EXT1: variants seen among roughly 807,000 people sequenced by gnomAD.
EXT1 encodes the protein exostosin glycosyltransferase 1.
Under a neutral mutation model 82.5 loss-of-function variants are expected in EXT1, and 20 were observed. That is an observed-to-expected ratio of 0.24 (90% confidence interval 0.17 to 0.35). The LOEUF (loss-of-function observed/expected upper bound fraction) is 0.35. EXT1 is among the 10% of genes least tolerant of loss of function. The probability of loss-of-function intolerance (pLI) is 1.00; values close to 1 mark genes in which losing one functional copy is unlikely to be tolerated. For missense variants in EXT1, 757 were observed against 936.5 expected, an observed-to-expected ratio of 0.81 and a Z score of 2.50; for synonymous variants, 348 against 350.8, an observed-to-expected ratio of 0.99 and a Z score of 0.09.
intron 1 of EXT1, among the ~76,000 whole-genome samples, chr8:118,073,792 T>C (rs964903865): frequency 2.0e-5 from 3 of 152,208 alleles, no homozygotes; most frequent in African/African-American, 7.2e-5. Context: ...AATGACTGTG[T>C]ATCATATTAA....
intron 9 of EXT1, among the ~76,000 whole-genome samples, chr8:117,805,885 T>C (rs1823229308): frequency 6.6e-6 from 1 of 152,186 alleles, no homozygotes; most frequent in African/African-American, 2.4e-5. Context: ...CAAATTTGTA[T>C]CTCCACCCCT....
intron 1 of EXT1, among the ~76,000 whole-genome samples, chr8:118,001,602 GA>G (rs1290343241): frequency 1.3e-5 from 2 of 152,060 alleles, no homozygotes; most frequent in African/African-American, 4.8e-5. Flanking sequence ...AAAATAAGAA[GA>G]ATAAGATTAA....
At chr8:117,888,870 A>G (rs1315764273) in intron 1 of EXT1, among the ~76,000 whole-genome samples, 2 of 152,188 alleles carry the variant, frequency 1.3e-5, no homozygotes, top group East Asian at 1.9e-4. Flanking sequence ...AATGCTGCCT[A>G]TCTTCAAACC....
At chr8:117,814,907 C>T (rs1439619519) in intron 7 of EXT1, among the ~76,000 whole-genome samples, 1 of 152,172 alleles carries the variant, frequency 6.6e-6, no homozygotes, top group Admixed American at 6.5e-5. Context: ...GCTACCAGAG[C>T]ACCTAGGACT....
At chr8:117,861,876 T>C (rs1463298875) in intron 1 of EXT1, among the ~76,000 whole-genome samples, 2 of 87,566 alleles carry the variant, frequency 2.3e-5, no homozygotes, top group Admixed American at 1.1e-4. Flanking sequence ...TGAGACATCT[T>C]GCAGAGAGGT....
chr8:118,037,890 C>G (rs2100617), intron 1 of EXT1, among the ~76,000 whole-genome samples: 57,428 of 142,168 alleles, frequency 0.4, 11,725 homozygotes, highest in Middle Eastern at 0.56. Flanking sequence ...GCCCAGACTG[C>G]AGTGCAATGG....
At chr8:117,879,319 T>C (rs993027475) in intron 1 of EXT1, among the ~76,000 whole-genome samples, 1 of 152,094 alleles carries the variant, frequency 6.6e-6, no homozygotes, top group Admixed American at 6.6e-5. Context: ...CCCAGACCAG[T>C]AGCACACAGA....
chr8:117,918,316 T>C (rs982025824), intron 1 of EXT1, among the ~76,000 whole-genome samples: 1 of 152,204 alleles, frequency 6.6e-6, no homozygotes, highest in African/African-American at 2.4e-5. Context: ...ATTAGGAATA[T>C]TATAGATTCT....
intron 1 of EXT1, among the ~76,000 whole-genome samples, chr8:117,988,583 C>T (rs1815366902): frequency 6.6e-6 from 1 of 152,148 alleles, no homozygotes; most frequent in African/African-American, 2.4e-5. Flanking sequence ...CAGGATCGGC[C>T]GGGCAGAGAG....
intron 1 of EXT1, among the ~76,000 whole-genome samples, chr8:117,945,492 T>A (rs1814369901): frequency 6.6e-6 from 1 of 152,070 alleles, no homozygotes; most frequent in South Asian, 2.1e-4. Flanking sequence ...GTTGAAGTGC[T>A]CTGTGGTTTT....
intron 1 of EXT1, among the ~76,000 whole-genome samples, chr8:117,930,077 C>T (rs1410306374): frequency 1.3e-5 from 2 of 151,380 alleles, no homozygotes; most frequent in Non-Finnish European, 2.9e-5. Context: ...GCACTGCAGC[C>T]TGGGCAACAG....
chr8:118,100,940 G>A (rs1817707825), intron 1 of EXT1, among the ~76,000 whole-genome samples: 1 of 151,304 alleles, frequency 6.6e-6, no homozygotes, highest in Non-Finnish European at 1.5e-5. Flanking sequence ...AGAAACAATG[G>A]CTGGACTTCC....
chr8:118,073,868 G>T (rs929728759), intron 1 of EXT1, among the ~76,000 whole-genome samples: 1 of 152,126 alleles, frequency 6.6e-6, no homozygotes, highest in African/African-American at 2.4e-5. Flanking sequence ...ATTTTATATG[G>T]ATTTCCTTCT....
At position 117,940,516 on chromosome 8, in the gene EXT1, A is replaced by G. The variant is rs568625881; in HGVS notation, c.963-103315T>C. ...TTCAAACGACCTTTACTAAATAGCT[A>G]CACAGGGACAGCCCTGGGGTCTGGG... is the stretch of plus-strand genomic sequence containing the variant. On this transcript the variant is annotated intron_variant, in intron 1 of 10. Transcript: ENST00000378204. Among the ~76,000 whole-genome samples the G allele has an allele frequency of 5.9e-5, 9 of 152,342 alleles. No individual in the cohort carries two copies. In the South Asian group the frequency reaches 1.9e-3, roughly 32 times the overall value.
chr8:118,009,902 G>A (rs946003267), intron 1 of EXT1, among the ~76,000 whole-genome samples: 5 of 152,138 alleles, frequency 3.3e-5, no homozygotes, highest in Non-Finnish European at 7.3e-5. Context: ...TACTCACCTG[G>A]ACCAAATGCG....
Position 117,795,800 on chromosome 8 carries a change from C to G in EXT1, c.*3912G>C, listed in dbSNP as rs1421744170. On this transcript the variant is annotated 3_prime_UTR_variant, in exon 11 of 11. Coordinates refer to ENST00000378204, the MANE Select transcript of EXT1 (RefSeq NM_000127.3). The stretch of plus-strand genomic sequence containing the variant: ...TGGGTGACAGGGCAAGACTCTGTCT[C>G]AAAGAAAAAAAAAAGACTTGGTGTC... 6.7e-6 allele frequency: 1 copy of G among 148,446 alleles called. No homozygotes were observed. The highest frequency in any genetic ancestry group is 6.7e-5 in the Admixed American group (1 of 14,956). The allele number at this position is 148,446 out of a possible 1,614,324, so 9.2% of individuals were successfully genotyped here.
In EXT1 at chr8:117,856,660, AAG is replaced by A. The variant is rs1812568229; in HGVS notation, c.963-19461_963-19460del. 2.0e-5 allele frequency among the ~76,000 whole-genome samples: 3 copies of A among 152,280 alleles called. No homozygotes were observed. In the South Asian group the frequency reaches 6.2e-4, roughly 32 times the overall value. ...GAGGTTGGCTCATGAGGCTTTAAAA[AAG>A]AAGCCATTTCCATATCATAATAGCG... is the stretch of plus-strand genomic sequence containing the variant. On this transcript the variant is annotated intron_variant, in intron 1 of 10. Coordinates refer to ENST00000378204, the MANE Select transcript of EXT1 (RefSeq NM_000127.3).
chr8:117,950,975 G>A lies in EXT1; in HGVS notation c.963-113774C>T, dbSNP rs184557139. Among the ~76,000 whole-genome samples, 178 of 152,222 alleles carry A rather than the reference G, an allele frequency of 1.2e-3. 1 individual carries two copies. Among genetic ancestry groups the A allele is most frequent in the Non-Finnish European group, 1.7e-3 (119 of 68,014 alleles). Reference sequence around the variant, plus strand: ...AAAGAGGCAAATTATATTTTGGGGGGAGCCTTATTGATTTTTGGACCCCAA... The same window carrying A: ...AAAGAGGCAAATTATATTTTGGGGGAAGCCTTATTGATTTTTGGACCCCAA... On this transcript the variant is annotated intron_variant, in intron 1 of 10. Transcript: ENST00000378204.
At chr8:117,837,588 G>A (rs949929627) in intron 1 of EXT1, among the ~76,000 whole-genome samples, 12 of 152,024 alleles carry the variant, frequency 7.9e-5, no homozygotes, top group Admixed American at 7.2e-4. Flanking sequence ...TTAACAATAC[G>A]GCATTCAGCA....
Sources: allele counts gnomAD v4.1 joint callset (sites outside exome capture counted in the v4.1 genomes callset), GRCh38; gene constraint gnomAD v4.1.1; transcripts MANE v1.5; gene names NCBI Gene and HGNC (gene_info 2026-07-23, HGNC 2026-07-21).